THSD7B: variants seen among roughly 807,000 people sequenced by gnomAD.
THSD7B encodes the protein thrombospondin type 1 domain containing 7B.
Under a neutral mutation model 213.6 loss-of-function variants are expected in THSD7B, and 138 were observed. That is an observed-to-expected ratio of 0.65 (90% confidence interval 0.56 to 0.74). The LOEUF (loss-of-function observed/expected upper bound fraction) is 0.74. THSD7B is among the 30% of genes least tolerant of loss of function. The pLI is 0.00. For synonymous variants in THSD7B, 742 were observed against 687.0 expected (o/e 1.08, Z -1.25); for missense variants, 1,931 against 1,991.5 (o/e 0.97, Z 0.58).
At chr2:137,132,792 C>T (rs774235289) in intron 5 of THSD7B, among the ~76,000 whole-genome samples, 3 of 152,162 alleles carry the variant, frequency 2.0e-5, no homozygotes, top group African/African-American at 4.8e-5. Flanking sequence ...CTACACAAAG[C>T]TGCAATTATT....
At chr2:137,307,838 G>A (rs978799266) in intron 12 of THSD7B, among the ~76,000 whole-genome samples, 11 of 151,996 alleles carry the variant, frequency 7.2e-5, no homozygotes, top group Non-Finnish European at 1.6e-4. Context: ...GCTTTTGTTA[G>A]TCAGGCAACT....
At chr2:137,310,168 G>A (rs572562488) in intron 12 of THSD7B, among the ~76,000 whole-genome samples, 1 of 152,074 alleles carries the variant, frequency 6.6e-6, no homozygotes, top group African/African-American at 2.4e-5. Flanking sequence ...TCCGGCACCT[G>A]TTTCCTGACT....
chr2:137,082,435 G>A (rs6728658), intron 3 of THSD7B, among the ~76,000 whole-genome samples: 29,900 of 152,008 alleles, frequency 0.2, 4,445 homozygotes, highest in African/African-American at 0.41. Flanking sequence ...GGCTACTGCT[G>A]TTGTTTTGCA....
rs146553978 is a variant in THSD7B at position 137,405,825 on chromosome 2, C to A, written c.2695+18C>A. On this transcript the variant is annotated intron_variant, in intron 13 of 27. Transcript: ENST00000409968. ...GCTCACAGGTATAGTGTGCATTTTA[C>A]TCTTTAGCATCAGGCAAGCTGAACA... 2,319 of 1,585,844 alleles carry A rather than the reference C, an allele frequency of 1.5e-3. 24 individuals carry two copies. The African/African-American group carries it at 0.02, about 13-fold the overall frequency.
At chr2:137,353,070 C>T (rs781533116) in intron 12 of THSD7B, among the ~76,000 whole-genome samples, 7 of 151,812 alleles carry the variant, frequency 4.6e-5, no homozygotes, top group South Asian at 2.1e-4. Context: ...CTTAATTGGC[C>T]GAGTTCTGGA....
At position 137,054,789 on chromosome 2, in the gene THSD7B, GT is replaced by G. The variant is rs1392477737; in HGVS notation, c.140-1629del. Among the ~76,000 whole-genome samples the G allele has an allele frequency of 2.0e-5, 3 of 151,026 alleles. No homozygotes were observed. The East Asian group carries it at 5.8e-4, about 29-fold the overall frequency. The stretch of plus-strand genomic sequence containing the variant: ...AACTTTTTTTTTTTTTTAATTTTAA[GT>G]TCTGGGATATGTGTGCTGAACATGC... On this transcript the variant is annotated intron_variant, in intron 2 of 27. Coordinates refer to ENST00000409968, the MANE Select transcript of THSD7B (RefSeq NM_001316349.2).
intron 12 of THSD7B, among the ~76,000 whole-genome samples, chr2:137,297,260 G>T (rs1260658559): frequency 6.7e-6 from 1 of 149,108 alleles, no homozygotes; most frequent in South Asian, 2.3e-4. Context: ...CTCCAGCTGG[G>T]GTGACAGAGC....
intron 5 of THSD7B, among the ~76,000 whole-genome samples, chr2:137,136,852 C>T (rs1308021730): frequency 6.6e-6 from 1 of 152,120 alleles, no homozygotes; most frequent in Non-Finnish European, 1.5e-5. Context: ...GAAAATACTA[C>T]ATTTAGCAAA....
chr2:136,810,232 C>T lies in THSD7B; in HGVS notation c.-36+44545C>T, dbSNP rs115234855. ...GGAAAGTAGTGCAGCCACAGAGGAGCTAAGCTGAACTTTGCATTTTCCAGA... is the reference window on the plus strand; with the variant it reads ...GGAAAGTAGTGCAGCCACAGAGGAGTTAAGCTGAACTTTGCATTTTCCAGA... On this transcript the variant is annotated intron_variant, in intron 1 of 27. Coordinates refer to ENST00000409968, the MANE Select transcript of THSD7B (RefSeq NM_001316349.2). Among the ~76,000 whole-genome samples, 400 of 152,250 alleles carry T rather than the reference C, an allele frequency of 2.6e-3. 2 individuals are homozygous for T. The highest frequency in any genetic ancestry group is 9.1e-3 in the African/African-American group (376 of 41,540).
At chr2:136,930,997 T>C (rs1274195374) in intron 2 of THSD7B, among the ~76,000 whole-genome samples, 1 of 152,178 alleles carries the variant, frequency 6.6e-6, no homozygotes, top group Admixed American at 6.5e-5. Flanking sequence ...TAATAGTGCT[T>C]TCCCAGAACT....
intron 20 of THSD7B, among the ~76,000 whole-genome samples, chr2:137,634,703 A>G (rs1682801635): frequency 6.6e-6 from 1 of 152,208 alleles, no homozygotes; most frequent in Non-Finnish European, 1.5e-5. Flanking sequence ...TATAGTCAGA[A>G]TAGGGAATTA....
At chr2:136,940,860 G>GT (rs1684814248) in intron 2 of THSD7B, among the ~76,000 whole-genome samples, 1 of 143,500 alleles carries the variant, frequency 7.0e-6, no homozygotes, top group African/African-American at 2.6e-5. Context: ...TCCATTCTTA[G>GT]TTGTTTTTTT....
In THSD7B at chr2:137,547,921, G is replaced by C. The variant is rs1198575257; in HGVS notation, c.3139-15300G>C. Among the ~76,000 whole-genome samples, 3 of 151,886 alleles carry C rather than the reference G, an allele frequency of 2.0e-5. No homozygotes were observed. The South Asian group carries it at 6.2e-4, about 31-fold the overall frequency. On this transcript the variant is annotated intron_variant, in intron 15 of 27. Transcript: ENST00000409968. ...AAAAAGGCATTTCTTACCAGTTATGGGCTTTCCTTTTGGATGTGATCCTGG... is the reference window on the plus strand; with the variant it reads ...AAAAAGGCATTTCTTACCAGTTATGCGCTTTCCTTTTGGATGTGATCCTGG...
intron 14 of THSD7B, among the ~76,000 whole-genome samples, chr2:137,416,917 A>C (rs563227881): frequency 2.6e-4 from 40 of 152,354 alleles, no homozygotes; most frequent in Non-Finnish European, 4.6e-4. Flanking sequence ...TTTTCAAGTG[A>C]TCCAGTGACA....
chr2:136,901,390 C>A, intron 2 of THSD7B, among the ~76,000 whole-genome samples: 1 of 152,284 alleles, frequency 6.6e-6, no homozygotes, highest in South Asian at 2.1e-4. Context: ...AAACTTTTCA[C>A]CTTTTAAAAA....
intron 1 of THSD7B, among the ~76,000 whole-genome samples, chr2:136,773,254 A>C (rs1681540634): frequency 6.6e-6 from 1 of 152,130 alleles, no homozygotes; most frequent in African/African-American, 2.4e-5. Flanking sequence ...GGATTAACTT[A>C]TGAAATCCTC....
intron 2 of THSD7B, among the ~76,000 whole-genome samples, chr2:136,941,876 T>C (rs1444205257): frequency 1.3e-5 from 2 of 152,224 alleles, no homozygotes; most frequent in Non-Finnish European, 2.9e-5. Flanking sequence ...TTATTTTGGC[T>C]TTTGTTGCCA....
At chr2:137,376,418 C>T (rs1178702779) in intron 12 of THSD7B, among the ~76,000 whole-genome samples, 1 of 152,170 alleles carries the variant, frequency 6.6e-6, no homozygotes, top group African/African-American at 2.4e-5. Flanking sequence ...CAGCAGGTGA[C>T]TAAAGCACCA....
At chr2:137,538,875 A>G (rs912330183) in intron 15 of THSD7B, among the ~76,000 whole-genome samples, 6 of 151,668 alleles carry the variant, frequency 4.0e-5, no homozygotes, top group East Asian at 3.9e-4. Flanking sequence ...CTTAAATGTC[A>G]TTGCCATGGT....
Sources: allele counts gnomAD v4.1 joint callset (sites outside exome capture counted in the v4.1 genomes callset), GRCh38; gene constraint gnomAD v4.1.1; transcripts MANE v1.5; gene names NCBI Gene and HGNC (gene_info 2026-07-23, HGNC 2026-07-21).